Variants in XRCC4 observed in about 807,000 individuals in gnomAD.
XRCC4 encodes X-ray repair cross complementing 4, also known as DNA repair protein XRCC4.
A neutral mutation model predicts 39.1 loss-of-function variants in XRCC4; 28 were observed. The observed-to-expected ratio is 0.72, with a 90% CI of 0.53 to 0.98. The LOEUF (loss-of-function observed/expected upper bound fraction) is 0.98. Ranked by LOEUF, XRCC4 falls within the 50% of genes least tolerant of loss-of-function variation. XRCC4 has a pLI of 0.00. For missense variants in XRCC4, 350 were observed against 376.4 expected (o/e 0.93, Z 0.58); for synonymous variants, 123 against 126.4 (o/e 0.97, Z 0.18).
At chr5:83,083,140 G>A (rs1215297166) in intron 1 of XRCC4, among the ~76,000 whole-genome samples, 4 of 151,140 alleles carry the variant, frequency 2.6e-5, no homozygotes, top group Admixed American at 2.6e-4. Flanking sequence ...CCTCCACCCT[G>A]TTTTATCTCC....
intron 7 of XRCC4, among the ~76,000 whole-genome samples, chr5:83,275,072 A>G (rs536845131): frequency 1.3e-5 from 2 of 152,206 alleles, no homozygotes; most frequent in African/African-American, 4.8e-5. Context: ...CTAATAGAGG[A>G]CCTAGTGAAG....
At chr5:83,270,660 A>T (rs904923678) in intron 7 of XRCC4, among the ~76,000 whole-genome samples, 17 of 151,610 alleles carry the variant, frequency 1.1e-4, no homozygotes, top group Non-Finnish European at 7.4e-5. Flanking sequence ...GTGCCTTCCC[A>T]TTGTACTTAG....
intron 3 of XRCC4, among the ~76,000 whole-genome samples, chr5:83,139,923 CA>C (rs1236328588): frequency 1.3e-5 from 2 of 152,192 alleles, no homozygotes; most frequent in East Asian, 3.9e-4. Context: ...TACATTCACA[CA>C]TCTGCATTTG....
At chr5:83,341,163 G>C (rs75535062) in intron 7 of XRCC4, among the ~76,000 whole-genome samples, 2,852 of 151,272 alleles carry the variant, frequency 0.019, 87 homozygotes, top group African/African-American at 0.065. Flanking sequence ...TTTTCTTAAA[G>C]CACTTACAAA....
At chr5:83,362,996 C>T in the XRCC4 span, among the ~76,000 whole-genome samples, 2 of 152,290 alleles carry the variant, frequency 1.3e-5, no homozygotes, top group Non-Finnish European at 1.5e-5. Context: ...GAAGACATCA[C>T]TTTTGGCTTC....
At chr5:83,364,751 C>T in the XRCC4 span, among the ~76,000 whole-genome samples, 5 of 152,148 alleles carry the variant, frequency 3.3e-5, no homozygotes, top group South Asian at 2.1e-4. Flanking sequence ...AAAGAACAGC[C>T]GAAAATCCTG....
chr5:83,241,240 CAA>C (rs541873201), intron 6 of XRCC4, among the ~76,000 whole-genome samples: 24 of 60,842 alleles, frequency 3.9e-4, no homozygotes, highest in Admixed American at 3.6e-4. Flanking sequence ...AAGACTCTGT[CAA>C]AAAAAAAAAA....
At chr5:83,204,294 A>C (rs924630585) in intron 5 of XRCC4, among the ~76,000 whole-genome samples, 1 of 152,184 alleles carries the variant, frequency 6.6e-6, no homozygotes, top group Non-Finnish European at 1.5e-5. Flanking sequence ...GAATCTTAGT[A>C]GAAGTACAGA....
In XRCC4 at chr5:83,243,359, A is replaced by G. The variant is rs573477773; in HGVS notation, c.746-15171A>G. On this transcript the variant is annotated intron_variant, in intron 6 of 7. Coordinates refer to ENST00000396027, the MANE Select transcript of XRCC4 (RefSeq NM_003401.5). ...CATTTCTGGAGACTGGAAGTGGAAG[A>G]TGAAGATGTTGGCAGATTTGGTTTC... Among the ~76,000 whole-genome samples the G allele has an allele frequency of 3.7e-4, 56 of 152,306 alleles. 1 individual carries two copies. The highest frequency in any genetic ancestry group is 3.4e-3 in the Middle Eastern group (1 of 294).
intron 7 of XRCC4, among the ~76,000 whole-genome samples, chr5:83,315,827 A>C (rs563746852): frequency 1.3e-5 from 2 of 152,164 alleles, no homozygotes; most frequent in Non-Finnish European, 2.9e-5. Flanking sequence ...TATACAAAGA[A>C]GTGTGTTTTC....
chr5:83,349,537 G>A (rs1757018604), intron 7 of XRCC4, among the ~76,000 whole-genome samples: 1 of 152,100 alleles, frequency 6.6e-6, no homozygotes, highest in Non-Finnish European at 1.5e-5. Context: ...CTATGAACAG[G>A]GGTCAAAATC....
chr5:83,239,315 A>G (rs1284577961), intron 6 of XRCC4, among the ~76,000 whole-genome samples: 2 of 152,192 alleles, frequency 1.3e-5, no homozygotes, highest in Non-Finnish European at 1.5e-5. Flanking sequence ...ATGGTACTCA[A>G]TATATGTTAA....
rs764494350 is a variant in XRCC4 at position 83,353,243 on chromosome 5, C to A, written c.*1C>A. The A allele has an allele frequency of 6.3e-7, 1 of 1,584,046 alleles. No homozygotes were observed. Among genetic ancestry groups the A allele is most frequent in the South Asian group, 1.2e-5 (1 of 86,936 alleles). ...AGAAGACCTCTTTGATGAGATTTAACAGTCTCAAAAAATACTTTGATGTTC... is the reference window on the plus strand; with the variant it reads ...AGAAGACCTCTTTGATGAGATTTAAAAGTCTCAAAAAATACTTTGATGTTC... On this transcript the variant is annotated 3_prime_UTR_variant, in exon 8 of 8. Transcript: ENST00000396027.
chr5:83,165,887 C>CTTTTT (rs34887034), intron 3 of XRCC4, among the ~76,000 whole-genome samples: 1 of 125,840 alleles, frequency 7.9e-6, no homozygotes, highest in Non-Finnish European at 1.6e-5. Flanking sequence ...TTTTTTCTTT[C>CTTTTT]TTTTTTTTTT....
At chr5:83,325,618 T>C (rs1253196666) in intron 7 of XRCC4, among the ~76,000 whole-genome samples, 2 of 152,182 alleles carry the variant, frequency 1.3e-5, no homozygotes, top group East Asian at 1.9e-4. Flanking sequence ...ACTCTGTCCA[T>C]GCACCTGCAA....
chr5:83,265,695 T>A (rs1296710461), intron 7 of XRCC4, among the ~76,000 whole-genome samples: 4 of 152,196 alleles, frequency 2.6e-5, no homozygotes, highest in East Asian at 1.9e-4. Context: ...AACTTTTTTT[T>A]AATGTATTCT....
chr5:83,362,294 C>CAAA, the XRCC4 span, among the ~76,000 whole-genome samples: 12 of 73,148 alleles, frequency 1.6e-4, no homozygotes, highest in Non-Finnish European at 2.0e-4. Context: ...GCTATTTAGG[C>CAAA]AAAAAAAAAA....
chr5:83,108,863 T>C (rs1021660823), intron 2 of XRCC4, among the ~76,000 whole-genome samples: 2 of 151,372 alleles, frequency 1.3e-5, no homozygotes, highest in Non-Finnish European at 3.0e-5. Flanking sequence ...TCTTTTTTTT[T>C]TTTTAGAAGA....
chr5:83,195,916 T>C lies in XRCC4; in HGVS notation c.462T>C (p.Asp154=), dbSNP rs780988838. 6.2e-6 allele frequency: 10 copies of C among 1,609,544 alleles called. No individual in the cohort carries two copies. The highest frequency in any genetic ancestry group is 1.7e-5 in the Admixed American group (1 of 59,546). The change falls in exon 4 of 8, where the codon GAT becomes GAC. Residue 154 remains aspartate, a synonymous_variant. Transcript: ENST00000396027. Reference sequence around the variant, plus strand: ...AAGAAAATGAAAGGCTTCTGAGAGATTGGAATGATGTTCAAGGACGGTGTG... The same window carrying C: ...AAGAAAATGAAAGGCTTCTGAGAGACTGGAATGATGTTCAAGGACGGTGTG... ...LQKENERLLR[D]WNDVQGRFEK...
Sources: gnomAD v4.1 joint callset for allele counts (sites outside exome capture counted in the v4.1 genomes callset) on GRCh38, gnomAD v4.1.1 for gene constraint, MANE v1.5 for transcripts, NCBI Gene and HGNC (gene_info 2026-07-23, HGNC 2026-07-21) for gene names.